The following ACSL5 variants were observed in gnomAD, a reference collection of about 807,000 sequenced individuals.
The protein encoded by ACSL5 is long-chain-fatty-acid--CoA ligase 5.
ACSL5 carries 50 observed loss-of-function variants against 84.9 expected under a neutral mutation model. The ratio of observed to expected loss-of-function variants is 0.59; its 90% CI spans 0.47 to 0.75. The LOEUF is 0.75. Among genes scored for constraint, ACSL5 ranks in the 30% least tolerant of loss-of-function variants. ACSL5 has a pLI of 0.00. For synonymous variants in ACSL5, 280 were observed against 300.7 expected, an observed-to-expected ratio of 0.93 and a Z score of 0.71; for missense variants, 775 against 830.4, an observed-to-expected ratio of 0.93 and a Z score of 0.82.
intron 17 of ACSL5, 151 bp downstream of exon 17, chr10:112,422,592 C>G: frequency 1.5e-6 from 1 of 685,408 alleles, no homozygotes; most frequent in South Asian, 1.8e-5. Flanking sequence ...TTATGACTTC[C>G]TCATACTATC....
intron 9 of ACSL5, 80 bp from the exon 10 acceptor site, chr10:112,411,376 T>C: frequency 8.3e-7 from 1 of 1,201,758 alleles, no homozygotes; most frequent in East Asian, 2.3e-5. Context: ...TAAAACCAAT[T>C]GAATCTAGTT....
intron 3 of ACSL5, among the ~76,000 whole-genome samples, chr10:112,401,546 T>G (rs556818241): frequency 6.6e-6 from 1 of 152,324 alleles, no homozygotes; most frequent in African/African-American, 2.4e-5. Context: ...CAGGTCTGAG[T>G]TGACTAAGTT....
chr10:112,423,221 A>AATTTATATATATATATATATAT (rs1844541884), intron 17 of ACSL5, among the ~76,000 whole-genome samples: 1 of 16,088 alleles, frequency 6.2e-5, no homozygotes, highest in African/African-American at 2.4e-4. Flanking sequence ...AAAAAAAAAA[A>AATTTATATATATATATATATAT]ATATATATAT....
Position 112,399,005 on chromosome 10 carries a change from G to A in ACSL5, c.261G>A (p.Val87=), listed in dbSNP as rs1409184086. 9.3e-6 allele frequency: 15 copies of A among 1,613,074 alleles called. No individual in the cohort carries two copies. The highest frequency in any genetic ancestry group is 1.7e-5 in the Admixed American group (1 of 59,990). Residue 87 remains valine, a synonymous_variant, in exon 3 of 21, where the codon GTG becomes GTA. Transcript: ENST00000354655. ...MYEVFQRGLA[V]SDNGPCLGYR... Reference sequence around the variant, plus strand: ...AGGTTTTCCAAAGAGGACTCGCTGTGTCTGGTAAGCCTGGTGGTCTGTCCT... The same window carrying A: ...AGGTTTTCCAAAGAGGACTCGCTGTATCTGGTAAGCCTGGTGGTCTGTCCT...
chr10:112,411,645 C>CAG, intron 10 of ACSL5, 116 bp downstream of exon 10: 1 of 1,007,218 alleles, frequency 9.9e-7, no homozygotes, highest in Non-Finnish European at 1.5e-6. Flanking sequence ...CACACACACA[C>CAG]ACGTTAAAGG....
At chr10:112,415,239 G>A (rs560097164) in intron 12 of ACSL5, among the ~76,000 whole-genome samples, 15 of 151,668 alleles carry the variant, frequency 9.9e-5, no homozygotes, top group Non-Finnish European at 1.6e-4. Context: ...TCGCTCTGTC[G>A]CCCAGGCTGG....
intron 1 of ACSL5, chr10:112,376,520 A>G: frequency 6.3e-7 from 1 of 1,588,994 alleles, no homozygotes; most frequent in Non-Finnish European, 8.6e-7. Flanking sequence ...CCAAGGGGGC[A>G]TCCTGACCCC....
chr10:112,426,773 G>A lies in ACSL5; in HGVS notation c.1840-15G>A. Reference sequence around the variant, plus strand: ...TTGAAACAGCCATGCTTTAAGTGATGTTTTGTATTCTTAGGTTGTAAGGGA... The same window carrying A: ...TTGAAACAGCCATGCTTTAAGTGATATTTTGTATTCTTAGGTTGTAAGGGA... On this transcript the variant is annotated splice_polypyrimidine_tract_variant and intron_variant, in intron 19 of 20. Transcript: ENST00000354655. 1 of 1,612,522 alleles carries A rather than the reference G, an allele frequency of 6.2e-7. No individual in the cohort carries two copies. The highest frequency in any genetic ancestry group is 1.1e-5 in the South Asian group (1 of 91,030).
rs563478028 is a variant in ACSL5, at chr10:112,426,011, C to T, written c.1738-247C>T. On this transcript the variant is annotated intron_variant, in intron 18 of 20. Coordinates refer to ENST00000354655, the MANE Select transcript of ACSL5 (RefSeq NM_203379.2). ...AGAGTTGACATGGACAAGCCAGAGG[C>T]GCTTTAAGCTTAATGTTGAAGGATC... is the stretch of plus-strand genomic sequence containing the variant. Among the ~76,000 whole-genome samples, 6 of 152,068 alleles carry T rather than the reference C, an allele frequency of 3.9e-5. No individual in the cohort carries two copies. The East Asian group carries it at 9.6e-4, about 24-fold the overall frequency.
At position 112,425,388 on chromosome 10, in the gene ACSL5, C is replaced by T. The variant is rs753518887; in HGVS notation, c.1644C>T (p.Ala548=). The T allele has an allele frequency of 6.2e-7, 1 of 1,612,612 alleles. No individual in the cohort carries two copies. Among genetic ancestry groups the T allele is most frequent in the South Asian group, 1.1e-5 (1 of 90,938 alleles). Residue 548 remains alanine (A), a synonymous_variant, in exon 18 of 21, where the codon GCC becomes GCT. Coordinates refer to ENST00000354655, the MANE Select transcript of ACSL5 (RefSeq NM_203379.2). ...IDRKKNIFKL[A]QGEYIAPEKI... ...GTAAAAAGAACATTTTCAAGCTGGC[C>T]CAAGGAGAATACATTGCACCAGAGA...
At chr10:112,375,239 C>G (rs1016081203) in intron 1 of ACSL5, 1 of 152,056 alleles carries the variant, frequency 6.6e-6, no homozygotes, top group Non-Finnish European at 1.5e-5. Flanking sequence ...AAGCAAATGA[C>G]AAGTGCTCCT....
intron 17 of ACSL5, chr10:112,424,744 C>T (rs1844605067): frequency 1.3e-5 from 2 of 152,150 alleles, no homozygotes; most frequent in African/African-American, 4.8e-5. Flanking sequence ...TCCCTAAAGA[C>T]CTAAGCTCCT....
At chr10:112,417,272 G>T (rs980387330) in intron 13 of ACSL5, among the ~76,000 whole-genome samples, 10 of 150,958 alleles carry the variant, frequency 6.6e-5, no homozygotes, top group Non-Finnish European at 4.4e-5. Context: ...GGAGGCCTAG[G>T]TGGGTAGATC....
intron 5 of ACSL5, 56 bp from the exon 6 acceptor site, chr10:112,408,366 G>T: frequency 9.2e-7 from 1 of 1,087,448 alleles, no homozygotes; most frequent in Non-Finnish European, 1.4e-6. Context: ...CTGAATGACT[G>T]AACTGGTACT....
At chr10:112,398,666 A>G (rs1266982568) in intron 2 of ACSL5, among the ~76,000 whole-genome samples, 3 of 152,050 alleles carry the variant, frequency 2.0e-5, no homozygotes, top group Non-Finnish European at 4.4e-5. Context: ...CAGCCTCCCA[A>G]AGTGCTGGGA....
intron 12 of ACSL5, among the ~76,000 whole-genome samples, chr10:112,414,023 C>T (rs1844253444): frequency 1.3e-5 from 2 of 152,094 alleles, no homozygotes; most frequent in Admixed American, 6.5e-5. Flanking sequence ...AATAACCTGC[C>T]CAGAGTCACA....
chr10:112,419,059 C>T (rs569984344), intron 14 of ACSL5, among the ~76,000 whole-genome samples: 5 of 151,930 alleles, frequency 3.3e-5, no homozygotes, highest in South Asian at 2.1e-4. Flanking sequence ...AATAAATCCA[C>T]GCAAGAAGGG....
chr10:112,394,732 C>T, intron 1 of ACSL5, 186 bp from the exon 2 acceptor site: 1 of 984,848 alleles, frequency 1.0e-6, no homozygotes, highest in African/African-American at 1.7e-5. Context: ...TTATTTTCAA[C>T]AGTGCTAAGT....
rs1421476688 is a variant in ACSL5, at chr10:112,413,181, G to A, written c.957G>A (p.Val319=). The A allele has an allele frequency of 6.2e-7, 1 of 1,614,136 alleles. No individual in the cohort carries two copies. The highest frequency in any genetic ancestry group is 1.7e-5 in the Admixed American group (1 of 60,018). ...TTTGGTTTTGTTTTCAGGCTGTTGT[G>A]TACAGCTGTGGAGCCAGAGTTGGAT... ...HMFERIVQAV[V]YSCGARVGFF... Residue 319 remains valine, a synonymous_variant, in exon 12 of 21, where the codon GTG becomes GTA. Coordinates refer to ENST00000354655, the MANE Select transcript of ACSL5 (RefSeq NM_203379.2).
Sources: gnomAD v4.1 joint callset for allele counts (sites outside exome capture counted in the v4.1 genomes callset) on GRCh38, gnomAD v4.1.1 for gene constraint, MANE v1.5 for transcripts, NCBI Gene and HGNC (gene_info 2026-07-23, HGNC 2026-07-21) for gene names.